RHBDD1: variants seen among roughly 807,000 people sequenced by gnomAD.
RHBDD1 encodes the protein rhomboid domain containing 1, also known as rhomboid-related protein 4.
A neutral mutation model predicts 36.3 loss-of-function variants in RHBDD1; 38 were observed. The observed-to-expected ratio is 1.05, with a 90% CI of 0.81 to 1.37. The LOEUF (loss-of-function observed/expected upper bound fraction) is 1.37, where lower values mean the gene tolerates loss of function less well. Ranked by LOEUF, RHBDD1 falls within the 40% of genes most tolerant of loss-of-function variation. RHBDD1 has a pLI of 0.00. For missense variants in RHBDD1, 393 were observed against 377.6 expected (o/e 1.04, Z -0.34); for synonymous variants, 151 against 136.5 (o/e 1.11, Z -0.74).
chr2:226,895,063 A>T (rs1306572988), intron 5 of RHBDD1, among the ~76,000 whole-genome samples: 1 of 152,204 alleles, frequency 6.6e-6, no homozygotes, highest in East Asian at 1.9e-4. Context: ...CTGGAGAGGC[A>T]GACAGAAGTC....
chr2:226,971,062 A>G (rs535156363), intron 8 of RHBDD1, among the ~76,000 whole-genome samples: 12 of 152,140 alleles, frequency 7.9e-5, no homozygotes, highest in African/African-American at 2.9e-4. Flanking sequence ...AATGTTTACT[A>G]CTTTTAATTT....
chr2:226,876,461 G>A (rs55710180), intron 5 of RHBDD1, among the ~76,000 whole-genome samples: 7,890 of 152,222 alleles, frequency 0.052, 604 homozygotes, highest in African/African-American at 0.17. Flanking sequence ...AGCTCTTTAC[G>A]TATATTATCA....
intron 5 of RHBDD1, among the ~76,000 whole-genome samples, chr2:226,885,570 A>C (rs938927731): frequency 1.3e-5 from 2 of 152,194 alleles, no homozygotes; most frequent in African/African-American, 4.8e-5. Context: ...ATTACATATG[A>C]AGTGGTTTCA....
At chr2:226,867,936 C>T (rs1944474502) in intron 5 of RHBDD1, among the ~76,000 whole-genome samples, 3 of 152,146 alleles carry the variant, frequency 2.0e-5, no homozygotes, top group African/African-American at 7.2e-5. Context: ...CCAGGATGGT[C>T]TCGATCTCTT....
chr2:226,927,600 A>G (rs1490986937), intron 8 of RHBDD1, among the ~76,000 whole-genome samples: 1 of 151,990 alleles, frequency 6.6e-6, no homozygotes, highest in Non-Finnish European at 1.5e-5. Flanking sequence ...CCGGCAGTAT[A>G]TGAGAGTTCC....
At chr2:226,831,220 A>G (rs1940733327), upstream of RHBDD1, among the ~76,000 whole-genome samples, 1 of 152,204 alleles carries the variant, frequency 6.6e-6, no homozygotes, top group Admixed American at 6.5e-5. Context: ...ATGGATTGAC[A>G]TCAGTGAATC....
chr2:226,972,922 C>G (rs1411976430), intron 8 of RHBDD1, among the ~76,000 whole-genome samples: 1 of 133,794 alleles, frequency 7.5e-6, no homozygotes, highest in Non-Finnish European at 1.6e-5. Flanking sequence ...AGGAAGGAAG[C>G]CTGTAGCAAA....
intron 5 of RHBDD1, among the ~76,000 whole-genome samples, chr2:226,905,508 G>A (rs756113064): frequency 4.6e-5 from 7 of 152,158 alleles, no homozygotes; most frequent in Non-Finnish European, 7.3e-5. Flanking sequence ...AGATGGGCAA[G>A]GCCAAGTGTT....
chr2:226,928,878 T>C (rs1273974892), intron 8 of RHBDD1, among the ~76,000 whole-genome samples: 1 of 152,076 alleles, frequency 6.6e-6, no homozygotes, highest in Non-Finnish European at 1.5e-5. Context: ...TGAACACCTC[T>C]ATGCATACAA....
intron 8 of RHBDD1, among the ~76,000 whole-genome samples, chr2:226,942,333 G>A (rs1249351439): frequency 6.6e-6 from 1 of 151,912 alleles, no homozygotes; most frequent in Non-Finnish European, 1.5e-5. Context: ...CTGTTTCCCG[G>A]GTTCATGCCA....
intron 5 of RHBDD1, among the ~76,000 whole-genome samples, chr2:226,899,771 G>A (rs1947437263): frequency 6.6e-6 from 1 of 152,120 alleles, no homozygotes; most frequent in Admixed American, 6.5e-5. Context: ...ACAGAGACTA[G>A]GATAATTTTT....
At chr2:226,836,499 T>A (rs1940981157) in intron 1 of RHBDD1, among the ~76,000 whole-genome samples, 1 of 152,196 alleles carries the variant, frequency 6.6e-6, no homozygotes, top group South Asian at 2.1e-4. Context: ...TTTCAGTTTC[T>A]CAGAACAAGT....
chr2:226,833,992 C>A (rs1940807894), upstream of RHBDD1, among the ~76,000 whole-genome samples: 1 of 152,152 alleles, frequency 6.6e-6, no homozygotes, highest in African/African-American at 2.4e-5. Flanking sequence ...TGTTAAATGT[C>A]TTTTACCCCT....
chr2:226,801,273 G>A, the RHBDD1 span, among the ~76,000 whole-genome samples: 2 of 152,214 alleles, frequency 1.3e-5, no homozygotes, highest in African/African-American at 4.8e-5. Flanking sequence ...TCCCGGGGAG[G>A]CCTGCTGATT....
chr2:226,988,593 C>A, intron 8 of RHBDD1: 1 of 1,364,110 alleles, frequency 7.3e-7, no homozygotes, highest in Non-Finnish European at 9.4e-7. Context: ...TCAGAAGAGG[C>A]CGGGGGCTCC....
At chr2:226,975,759 T>C (rs1016800213) in intron 8 of RHBDD1, among the ~76,000 whole-genome samples, 4 of 152,186 alleles carry the variant, frequency 2.6e-5, no homozygotes, top group Admixed American at 2.0e-4. Flanking sequence ...TACTGACATA[T>C]TAAAAGTTAT....
chr2:226,892,503 A>G (rs1175110209), intron 5 of RHBDD1, among the ~76,000 whole-genome samples: 1 of 152,238 alleles, frequency 6.6e-6, no homozygotes, highest in Non-Finnish European at 1.5e-5. Context: ...GACTTGAGGT[A>G]TCAGGTTTTT....
chr2:226,940,342 C>CT (rs1950586666), intron 8 of RHBDD1, among the ~76,000 whole-genome samples: 1 of 151,908 alleles, frequency 6.6e-6, no homozygotes, highest in Admixed American at 6.6e-5. Context: ...AAGAAACTAT[C>CT]TAATTGTACG....
intron 8 of RHBDD1, among the ~76,000 whole-genome samples, chr2:226,956,224 C>T (rs1951782663): frequency 6.6e-6 from 1 of 152,142 alleles, no homozygotes; most frequent in South Asian, 2.1e-4. Context: ...AACTTGCTCC[C>T]ACGCCCCACT....
Sources: gnomAD v4.1 joint callset for allele counts (sites outside exome capture counted in the v4.1 genomes callset) on GRCh38, gnomAD v4.1.1 for gene constraint, MANE v1.5 for transcripts, NCBI Gene and HGNC (gene_info 2026-07-23, HGNC 2026-07-21) for gene names.